LMBRD1: variants seen among roughly 807,000 people sequenced by gnomAD.
The protein encoded by LMBRD1 is LMBR1 domain containing 1.
LMBRD1 carries 64 observed loss-of-function variants against 74.8 expected under a neutral mutation model. The ratio of observed to expected loss-of-function variants is 0.86; its 90% CI spans 0.70 to 1.05. LMBRD1 has a LOEUF of 1.05. Among genes scored for constraint, LMBRD1 ranks in the 50% least tolerant of loss-of-function variants. The pLI is 0.00. For missense variants in LMBRD1, 652 were observed against 645.9 expected, an observed-to-expected ratio of 1.01 and a Z score of -0.10; for synonymous variants, 204 against 216.3, an observed-to-expected ratio of 0.94 and a Z score of 0.50.
chr6:69,769,733 T>A (rs1347729730), intron 3 of LMBRD1, among the ~76,000 whole-genome samples: 1 of 110,670 alleles, frequency 9.0e-6, no homozygotes, highest in East Asian at 3.8e-4. Flanking sequence ...TTTTAACGAT[T>A]TTTTTAGTGT....
chr6:69,688,430 T>C (rs924299215), intron 14 of LMBRD1, among the ~76,000 whole-genome samples: 1 of 151,520 alleles, frequency 6.6e-6, no homozygotes, highest in East Asian at 2.0e-4. Context: ...TTAAATCCAT[T>C]GTTAGTGACA....
chr6:69,788,427 T>C (rs905309119), intron 2 of LMBRD1, among the ~76,000 whole-genome samples: 5 of 152,252 alleles, frequency 3.3e-5, no homozygotes, highest in Admixed American at 2.0e-4. Context: ...TACTACACTG[T>C]TTTAAAATAA....
At chr6:69,731,149 C>T (rs1391468273) in intron 7 of LMBRD1, among the ~76,000 whole-genome samples, 1 of 151,900 alleles carries the variant, frequency 6.6e-6, no homozygotes, top group African/African-American at 2.4e-5. Flanking sequence ...AGAGTAGAGG[C>T]CGTTAAGGGT....
At chr6:69,718,127 T>C (rs1485501625) in intron 8 of LMBRD1, among the ~76,000 whole-genome samples, 1 of 152,114 alleles carries the variant, frequency 6.6e-6, no homozygotes, top group Admixed American at 6.6e-5. Flanking sequence ...TGCTATTTTT[T>C]TACCATGATC....
In LMBRD1 at chr6:69,718,836, C is replaced by A. The variant is rs928628159; in HGVS notation, c.762+120G>T. On this transcript the variant is annotated intron_variant, in intron 8 of 15. Coordinates refer to ENST00000649934, the MANE Select transcript of LMBRD1 (RefSeq NM_018368.4). ...ACACAGTCAAACTGTACCAGATATG[C>A]TGCAAAAAATTCAAACAATGTAAAA... is the stretch of plus-strand genomic sequence containing the variant. 8 of 1,003,438 alleles carry A rather than the reference C, an allele frequency of 8.0e-6. No homozygotes were observed. In the African/African-American group the frequency reaches 1.3e-4, roughly 16 times the overall value. The allele number at this position is 1,003,438 out of a possible 1,614,324, so 62.2% of individuals were successfully genotyped here.
At chr6:69,690,592 T>C (rs1362625418) in intron 14 of LMBRD1, among the ~76,000 whole-genome samples, 1 of 152,108 alleles carries the variant, frequency 6.6e-6, no homozygotes, top group African/African-American at 2.4e-5. Flanking sequence ...TTTTTAAATA[T>C]AAGATAAAAA....
chr6:69,706,128 G>T (rs1766251073), intron 9 of LMBRD1: 2 of 574,108 alleles, frequency 3.5e-6, no homozygotes, highest in South Asian at 3.2e-5. Context: ...AGGGCCTCCG[G>T]GGGTTTATGT....
intron 2 of LMBRD1, among the ~76,000 whole-genome samples, chr6:69,789,722 G>C (rs1214418913): frequency 1.3e-5 from 2 of 152,150 alleles, no homozygotes; most frequent in Admixed American, 6.5e-5. Flanking sequence ...AGTCACAGAA[G>C]CTTAAGCTAG....
Position 69,752,351 on chromosome 6 carries a change from A to C in LMBRD1, c.313T>G (p.Tyr105Asp). 6.2e-7 allele frequency: 1 copy of C among 1,607,174 alleles called. No homozygotes were observed. The highest frequency in any genetic ancestry group is 8.5e-7 in the Non-Finnish European group (1 of 1,174,278). Reference sequence around the variant, plus strand: ...AACACACAGAACAATATAACAGAATATAAAGCTGTGGAAATAAATAATAAA... The same window carrying C: ...AACACACAGAACAATATAACAGAATCTAAAGCTGTGGAAATAAATAATAAA... ...DTVLYGYYTLYSVILFCVFFW... is the reference protein window; with the variant it reads ...DTVLYGYYTLDSVILFCVFFW... The change falls in exon 4 of 16, where the codon TAT becomes GAT. Residue 105 changes from tyrosine (Y) to aspartate (D), a missense_variant. Coordinates refer to ENST00000649934, the MANE Select transcript of LMBRD1 (RefSeq NM_018368.4).
chr6:69,686,641 T>C (rs1316387243), intron 14 of LMBRD1, among the ~76,000 whole-genome samples: 1 of 150,604 alleles, frequency 6.6e-6, no homozygotes, highest in African/African-American at 2.4e-5. Flanking sequence ...AAACTCTCTA[T>C]CAAGCAAATA....
intron 8 of LMBRD1, among the ~76,000 whole-genome samples, chr6:69,716,172 T>C (rs1233984993): frequency 6.6e-6 from 1 of 152,234 alleles, no homozygotes; most frequent in Non-Finnish European, 1.5e-5. Context: ...GTCCTACTTT[T>C]AGTTCTTTGT....
chr6:69,716,138 T>C (rs780383322), intron 8 of LMBRD1, among the ~76,000 whole-genome samples: 9 of 152,196 alleles, frequency 5.9e-5, no homozygotes, highest in Non-Finnish European at 1.0e-4. Flanking sequence ...TACCCTCTAA[T>C]AGGATTGCTG....
rs367962761 is a variant in LMBRD1, at chr6:69,711,534, T to C, written c.915+2111A>G. 2.5e-3 allele frequency among the ~76,000 whole-genome samples: 386 copies of C among 152,172 alleles called. 2 individuals carry two copies. Among genetic ancestry groups the C allele is most frequent in the African/African-American group, 8.8e-3 (365 of 41,538 alleles). ...TATTTATAAAAACCTAAAAACAATTTAGGATTAAAATAAAGCTGGAGAGAG... is the reference window on the plus strand; with the variant it reads ...TATTTATAAAAACCTAAAAACAATTCAGGATTAAAATAAAGCTGGAGAGAG... On this transcript the variant is annotated intron_variant, in intron 9 of 15. Transcript: ENST00000649934.
rs1296108147 is a variant in LMBRD1, at chr6:69,674,051, GCTGGAAC to G, written c.*2100_*2106del. 6.6e-6 allele frequency among the ~76,000 whole-genome samples: 1 copy of G among 152,160 alleles called. No homozygotes were observed. The highest frequency in any genetic ancestry group is 1.9e-4 in the East Asian group (1 of 5,196). ...AATTTATTTTCTCACAGATCTGGAA[GCTGGAAC>G]CTCAAGATTAAAGGGTTGACAACAC... On this transcript the variant is annotated 3_prime_UTR_variant, in exon 16 of 16. Transcript: ENST00000649934.
At chr6:69,777,445 A>G (rs1765729144) in intron 3 of LMBRD1, among the ~76,000 whole-genome samples, 1 of 50,034 alleles carries the variant, frequency 2.0e-5, no homozygotes, top group Non-Finnish European at 5.5e-5. Flanking sequence ...ACTCTGTTGC[A>G]AAAAAAAAAA....
Position 69,713,731 on chromosome 6 carries a change from G to C in LMBRD1, c.829C>G (p.Arg277Gly), listed in dbSNP as rs141038315. The C allele has an allele frequency of 2.5e-6, 4 of 1,613,490 alleles. No homozygotes were observed. The highest frequency in any genetic ancestry group is 2.7e-5 in the African/African-American group (2 of 74,880). ...RALKQFEERL[R>G]TLKKRERHLE... ...TGCCTCTCTCTCTTCTTAAGTGTTC[G>C]TAACCTTTCTTCAAATTGTTTTAAG... Residue 277 changes from arginine to glycine, a missense_variant, in exon 9 of 16, where the codon CGA (arginine) becomes GGA (glycine). Around this residue, in one of 3 missense-constraint regions of LMBRD1, gnomAD observed 598 missense variants for 581.8 expected, o/e 1.03. Coordinates refer to ENST00000649934, the MANE Select transcript of LMBRD1 (RefSeq NM_018368.4).
intron 9 of LMBRD1, among the ~76,000 whole-genome samples, chr6:69,712,996 T>A (rs1229085698): frequency 6.6e-6 from 1 of 152,128 alleles, no homozygotes; most frequent in African/African-American, 2.4e-5. Context: ...CAAATTGCAT[T>A]AATTAACTAT....
chr6:69,703,586 A>G (rs1370446478), intron 9 of LMBRD1, among the ~76,000 whole-genome samples: 1 of 152,032 alleles, frequency 6.6e-6, no homozygotes. Context: ...TGTAAAAAAT[A>G]CAAATATTTT....
chr6:69,793,985 GCTGGGATTACAGGTGTGAGCCACCACAC>G (rs1766152868), intron 1 of LMBRD1, among the ~76,000 whole-genome samples: 1 of 151,996 alleles, frequency 6.6e-6, no homozygotes, highest in Non-Finnish European at 1.5e-5. Context: ...CTCCCAAAGT[GCTGGGATTACAGGTGTGAGCCACCACAC>G]CTGGCCCATG....
Sources: allele counts gnomAD v4.1 joint callset (sites outside exome capture counted in the v4.1 genomes callset), GRCh38; gene constraint gnomAD v4.1.1; regional missense constraint gnomAD v4.1.1; transcripts MANE v1.5; gene names NCBI Gene and HGNC (gene_info 2026-07-23, HGNC 2026-07-21).